Variants in RFX6 observed in about 807,000 individuals in gnomAD.
RFX6 encodes the protein DNA-binding protein RFX6.
RFX6 carries 50 observed loss-of-function variants against 110.8 expected under a neutral mutation model. That is an observed-to-expected ratio of 0.45 (90% CI 0.36 to 0.57). The LOEUF (loss-of-function observed/expected upper bound fraction) is 0.57. RFX6 is among the 20% of genes least tolerant of loss of function. The pLI is 0.00. For missense variants in RFX6, 990 were observed against 1,127.0 expected, an observed-to-expected ratio of 0.88 and a Z score of 1.74; for synonymous variants, 383 against 411.2, an observed-to-expected ratio of 0.93 and a Z score of 0.83.
At position 116,925,514 on chromosome 6, in the gene RFX6, A is replaced by C; in HGVS notation, c.1740A>C (p.Lys580Asn). 6.2e-7 allele frequency: 1 copy of C among 1,614,178 alleles called. No individual in the cohort carries two copies. The highest frequency in any genetic ancestry group is 2.2e-5 in the East Asian group (1 of 44,888). ...CATGCTTTCTGGCCAACCGTAATAAAGGGAGCATGGTTTCCAGCGACGCTG... is the reference window on the plus strand; with the variant it reads ...CATGCTTTCTGGCCAACCGTAATAACGGGAGCATGGTTTCCAGCGACGCTG... ...PSSCFLANRNKGSMVSSDAVK... is the reference protein window; with the variant it reads ...PSSCFLANRNNGSMVSSDAVK... Residue 580 changes from lysine to asparagine, a missense_variant, in exon 16 of 19, where the codon AAA (lysine) becomes AAC (asparagine). This residue lies in a region of RFX6 where 438 missense variants were observed against 441.9 expected (regional missense o/e 0.99). Coordinates refer to ENST00000332958, the MANE Select transcript of RFX6 (RefSeq NM_173560.4).
At chr6:116,922,455 T>G (rs1470868186) in intron 13 of RFX6, among the ~76,000 whole-genome samples, 1 of 152,158 alleles carries the variant, frequency 6.6e-6, no homozygotes, top group Admixed American at 6.6e-5. Context: ...AAAGATAAAC[T>G]TAGAAACTGG....
At position 116,916,257 on chromosome 6, in the gene RFX6, G is replaced by C; in HGVS notation, c.915G>C (p.Leu305=). 1 of 1,612,310 alleles carries C rather than the reference G, an allele frequency of 6.2e-7. No individual in the cohort carries two copies. The highest frequency in any genetic ancestry group is 8.5e-7 in the Non-Finnish European group (1 of 1,179,214). ...GAATGCCTGACCATCTCCTTCCCCTGCTCGAAAATCCTGTTATCATTGATA... is the reference window on the plus strand; with the variant it reads ...GAATGCCTGACCATCTCCTTCCCCTCCTCGAAAATCCTGTTATCATTGATA... The part of the protein sequence containing the change: ...WQGMPDHLLP[L]LENPVIIDIF... The change falls in exon 9 of 19, where the codon CTG becomes CTC. Residue 305 remains leucine, a synonymous_variant. Transcript: ENST00000332958.
intron 4 of RFX6, among the ~76,000 whole-genome samples, chr6:116,891,973 G>A (rs766216675): frequency 9.2e-5 from 14 of 151,996 alleles, no homozygotes; most frequent in Non-Finnish European, 1.5e-4. Context: ...GAGCAGTTAT[G>A]ATGGTCCTTT....
intron 2 of RFX6, among the ~76,000 whole-genome samples, chr6:116,880,000 G>A (rs1774553035): frequency 6.6e-6 from 1 of 151,942 alleles, no homozygotes; most frequent in Admixed American, 6.6e-5. Flanking sequence ...AAAAGTATAG[G>A]AATAGAAATA....
Position 116,926,988 on chromosome 6 carries a change from A to C in RFX6, c.1886-39A>C, listed in dbSNP as rs1246141296. The C allele has an allele frequency of 1.9e-6, 3 of 1,569,032 alleles. No homozygotes were observed. In the African/African-American group the frequency reaches 4.1e-5, roughly 21 times the overall value. ...TTAAAGATGTGAGCTCATCTACTTT[A>C]ATATGACACTAAAGGAATGTTCTGG... On this transcript the variant is annotated intron_variant, in intron 16 of 18. Coordinates refer to ENST00000332958, the MANE Select transcript of RFX6 (RefSeq NM_173560.4).
rs1400861042 is a variant in RFX6, at chr6:116,931,738, A to G, written c.*232A>G. 8 of 433,346 alleles carry G rather than the reference A, an allele frequency of 1.8e-5. No homozygotes were observed. The highest frequency in any genetic ancestry group is 3.3e-5 in the Non-Finnish European group (8 of 244,492). 26.8% of individuals were successfully genotyped at this position (433,346 alleles called of 1,614,324 possible). On this transcript the variant is annotated 3_prime_UTR_variant, in exon 19 of 19. Coordinates refer to ENST00000332958, the MANE Select transcript of RFX6 (RefSeq NM_173560.4). ...GCTCATTATTAATCATAGTTTCAAA[A>G]TTATCAAATAAAACCAGTGAAGATC...
chr6:116,906,672 G>C (rs887734830), intron 6 of RFX6, among the ~76,000 whole-genome samples: 2 of 151,846 alleles, frequency 1.3e-5, no homozygotes, highest in African/African-American at 4.8e-5. Flanking sequence ...TTCATTATTA[G>C]TGAATATAAA....
In RFX6 at chr6:116,916,245, T is replaced by C; in HGVS notation, c.903T>C (p.His301=). Residue 301 remains histidine (H), a synonymous_variant, in exon 9 of 19, where the codon CAT becomes CAC. Coordinates refer to ENST00000332958, the MANE Select transcript of RFX6 (RefSeq NM_173560.4). The stretch of plus-strand genomic sequence containing the variant: ...ACTTTTGGCAAGGAATGCCTGACCA[T>C]CTCCTTCCCCTGCTCGAAAATCCTG... ...LLHFWQGMPD[H]LLPLLENPVI... The C allele has an allele frequency of 6.2e-7, 1 of 1,613,098 alleles. No individual in the cohort carries two copies. Among genetic ancestry groups the C allele is most frequent in the Non-Finnish European group, 8.5e-7 (1 of 1,179,340 alleles).
intron 3 of RFX6, 122 bp from the exon 4 acceptor site, chr6:116,882,245 T>A: frequency 4.1e-6 from 3 of 736,004 alleles, no homozygotes; most frequent in Non-Finnish European, 7.5e-6. Flanking sequence ...TTTTCCAGAC[T>A]AAGTATTCAC....
chr6:116,915,165 C>A (rs1457618746), intron 7 of RFX6, among the ~76,000 whole-genome samples: 1 of 152,076 alleles, frequency 6.6e-6, no homozygotes, highest in Non-Finnish European at 1.5e-5. Flanking sequence ...TTATCTAGTT[C>A]TAGCCTATTG....
intron 18 of RFX6, among the ~76,000 whole-genome samples, chr6:116,929,928 A>G (rs1239565236): frequency 6.6e-6 from 1 of 152,182 alleles, no homozygotes; most frequent in Non-Finnish European, 1.5e-5. Flanking sequence ...ACTGTCACAC[A>G]TGCTCCCTGA....
intron 10 of RFX6, 31 bp from the exon 11 acceptor site, chr6:116,919,106 T>C (rs1365200800): frequency 1.3e-6 from 2 of 1,591,666 alleles, no homozygotes; most frequent in African/African-American, 2.7e-5. Context: ...TTTTTAACAA[T>C]GAAGCATTTA....
intron 6 of RFX6, among the ~76,000 whole-genome samples, chr6:116,910,175 A>T (rs1323445233): frequency 1.3e-5 from 2 of 152,068 alleles, no homozygotes; most frequent in East Asian, 1.9e-4. Context: ...CTGGTTTGTT[A>T]AAATTTTGTT....
intron 5 of RFX6, among the ~76,000 whole-genome samples, chr6:116,894,276 T>C (rs1022708813): frequency 2.6e-5 from 4 of 152,164 alleles, no homozygotes; most frequent in African/African-American, 9.7e-5. Context: ...AATTGTGAAC[T>C]AGTGTTCCAG....
intron 6 of RFX6, among the ~76,000 whole-genome samples, chr6:116,906,119 C>T (rs1303844722): frequency 6.6e-6 from 1 of 152,132 alleles, no homozygotes; most frequent in African/African-American, 2.4e-5. Context: ...GTCCTTTCCC[C>T]ATAGAATTGT....
intron 4 of RFX6, among the ~76,000 whole-genome samples, chr6:116,890,612 T>C (rs1774807313): frequency 6.6e-6 from 1 of 152,180 alleles, no homozygotes; most frequent in African/African-American, 2.4e-5. Flanking sequence ...TACATCAACA[T>C]ATCTAAAATC....
chr6:116,910,764 G>A (rs1166807373), intron 6 of RFX6, among the ~76,000 whole-genome samples, 171 bp from the exon 7 acceptor site: 3 of 152,106 alleles, frequency 2.0e-5, no homozygotes, highest in Non-Finnish European at 4.4e-5. Context: ...TGGCTGACAT[G>A]TCTCGTTTAT....
At chr6:116,919,364 G>T in intron 11 of RFX6, 68 bp downstream of exon 11, 2 of 1,417,306 alleles carry the variant, frequency 1.4e-6, no homozygotes, top group South Asian at 2.3e-5. Context: ...GAGAAGGACA[G>T]ATTGAGGAAC....
chr6:116,902,968 A>G (rs957795179), intron 6 of RFX6, among the ~76,000 whole-genome samples: 5 of 151,958 alleles, frequency 3.3e-5, no homozygotes, highest in African/African-American at 1.2e-4. Flanking sequence ...GTTTTCTTTT[A>G]GAAATACGAT....
Sources: allele counts gnomAD v4.1 joint callset (sites outside exome capture counted in the v4.1 genomes callset), GRCh38; gene constraint gnomAD v4.1.1; regional missense constraint gnomAD v4.1.1; transcripts MANE v1.5; gene names NCBI Gene and HGNC (gene_info 2026-07-23, HGNC 2026-07-21).